Variants in MAP3K4 observed in about 807,000 individuals in gnomAD.
MAP3K4 encodes mitogen-activated protein kinase kinase kinase 4.
MAP3K4 carries 67 observed loss-of-function variants against 185.6 expected under a neutral mutation model. That is an observed-to-expected ratio of 0.36 (90% CI 0.30 to 0.44). The LOEUF (loss-of-function observed/expected upper bound fraction) is 0.44, where lower values mean the gene tolerates loss of function less well. Ranked by LOEUF, MAP3K4 falls within the 20% of genes least tolerant of loss-of-function variation. The pLI is 1.00. For missense variants in MAP3K4, 1,551 were observed against 1,995.1 expected (o/e 0.78, Z 4.24); for synonymous variants, 702 against 710.4 (o/e 0.99, Z 0.19).
In MAP3K4 at chr6:161,115,396, G is replaced by T. The variant is rs1778548764; in HGVS notation, c.4806+94G>T. The stretch of plus-strand genomic sequence containing the variant: ...AATGAAATTTTGAAACTTTAAAGTA[G>T]CTATATCTGAAGTGGAAAGGAACTA... On this transcript the variant is annotated intron_variant, in intron 26 of 26. Transcript: ENST00000392142. This position sits in a 1 kb window ranked among gnomAD's most constrained non-coding sequence, Gnocchi z 6.0. The T allele has an allele frequency of 8.1e-7, 1 of 1,230,550 alleles. No homozygotes were observed. The highest frequency in any genetic ancestry group is 1.5e-5 in the African/African-American group (1 of 66,260). The allele number at this position is 1,230,550 out of a possible 1,614,324, so 76.2% of individuals were successfully genotyped here.
Position 161,104,415 on chromosome 6 carries a change from CAAAA to C in MAP3K4, c.3856+1651_3856+1654del, listed in dbSNP as rs869113836. ...GGCAACAAGAGCAAAACTCCGTTTC[CAAAA>C]AAAAAAAAAAAAAAGCAGGCACAGT... On this transcript the variant is annotated intron_variant, in intron 19 of 26. Coordinates refer to ENST00000392142, the MANE Select transcript of MAP3K4 (RefSeq NM_005922.4). Among the ~76,000 whole-genome samples, 17 of 58,354 alleles carry C rather than the reference CAAAA, an allele frequency of 2.9e-4. No homozygotes were observed. The East Asian group carries it at 6.1e-3, about 21-fold the overall frequency. 38.3% of individuals were successfully genotyped at this position (58,354 alleles called of 152,430 possible). A position where few individuals can be genotyped will look rare whatever the true frequency, so the allele number is the denominator to read the frequency against.
At chr6:161,010,120 A>G (rs1215904793) in intron 1 of MAP3K4, among the ~76,000 whole-genome samples, 3 of 152,284 alleles carry the variant, frequency 2.0e-5, no homozygotes, top group Non-Finnish European at 4.4e-5. Context: ...ATTTCTCCCT[A>G]TTGTGTTTTA....
chr6:161,006,546 G>A (rs1781589431), intron 1 of MAP3K4, among the ~76,000 whole-genome samples: 1 of 152,158 alleles, frequency 6.6e-6, no homozygotes. Flanking sequence ...AGACAGTTGA[G>A]CATCCCAGAT....
In MAP3K4 at chr6:161,098,048, C is replaced by G. The variant is rs1420281987; in HGVS notation, c.3525-230C>G. ...GCTGCAGTGAGCTATGATTGCGCCA[C>G]TGCACTCCAGCCTGGACAACAGGGT... is the stretch of plus-strand genomic sequence containing the variant. On this transcript the variant is annotated intron_variant, in intron 16 of 26. Coordinates refer to ENST00000392142, the MANE Select transcript of MAP3K4 (RefSeq NM_005922.4). The surrounding 1 kb of genome is among the most constrained non-coding windows in gnomAD (Gnocchi z 4.4). Among the ~76,000 whole-genome samples, 1 of 152,112 alleles carries G rather than the reference C, an allele frequency of 6.6e-6. No individual in the cohort carries two copies. The highest frequency in any genetic ancestry group is 6.5e-5 in the Admixed American group (1 of 15,288).
rs952245137 is a variant in MAP3K4 at position 161,086,914 on chromosome 6, A to G, written c.2556+247A>G. Among the ~76,000 whole-genome samples, 11 of 152,222 alleles carry G rather than the reference A, an allele frequency of 7.2e-5. No homozygotes were observed. The highest frequency in any genetic ancestry group is 6.5e-4 in the Admixed American group (10 of 15,286). On this transcript the variant is annotated intron_variant, in intron 9 of 26. Coordinates refer to ENST00000392142, the MANE Select transcript of MAP3K4 (RefSeq NM_005922.4). The surrounding 1 kb of genome is among the most constrained non-coding windows in gnomAD (Gnocchi z 4.8). Reference sequence around the variant, plus strand: ...AAAAAGTTTACTCATGCTGTTTATTAATTTAGTTACACATATTTAAAATAA... The same window carrying G: ...AAAAAGTTTACTCATGCTGTTTATTGATTTAGTTACACATATTTAAAATAA...
intron 1 of MAP3K4, among the ~76,000 whole-genome samples, chr6:161,001,025 ATAT>A (rs1417917043): frequency 2.2e-4 from 3 of 13,346 alleles, no homozygotes; most frequent in Middle Eastern, 0.022. Flanking sequence ...TATATAATAT[ATAT>A]TATATATTAT....
At chr6:161,045,547 T>C (rs1783690958) in intron 2 of MAP3K4, among the ~76,000 whole-genome samples, 1 of 152,208 alleles carries the variant, frequency 6.6e-6, no homozygotes, top group Non-Finnish European at 1.5e-5. Flanking sequence ...ATTATTTTCA[T>C]GTTTTGCCCC....
At chr6:161,104,369 G>A (rs1026203535) in intron 19 of MAP3K4, among the ~76,000 whole-genome samples, 8 of 146,200 alleles carry the variant, frequency 5.5e-5, no homozygotes, top group East Asian at 2.0e-4. Context: ...GGCTGAGATC[G>A]CGCCATCACA....
At chr6:161,020,152 A>G (rs919922246) in intron 1 of MAP3K4, among the ~76,000 whole-genome samples, 5 of 152,238 alleles carry the variant, frequency 3.3e-5, no homozygotes, top group Non-Finnish European at 5.9e-5. Flanking sequence ...TCACTGTGAG[A>G]TATTTCTAAA....
rs1434749496 is a variant in MAP3K4, at chr6:161,115,956, A to G, written c.4806+654A>G. Among the ~76,000 whole-genome samples the G allele has an allele frequency of 1.3e-5, 2 of 152,218 alleles. No homozygotes were observed. The highest frequency in any genetic ancestry group is 2.9e-5 in the Non-Finnish European group (2 of 68,040). On this transcript the variant is annotated intron_variant, in intron 26 of 26. Transcript: ENST00000392142. The surrounding 1 kb of genome is among the most constrained non-coding windows in gnomAD (Gnocchi z 6.0). Reference sequence around the variant, plus strand: ...CATTTTATTATAAACATAAATGATGACATAGAGTTTTAGAAAGATCACTCT... The same window carrying G: ...CATTTTATTATAAACATAAATGATGGCATAGAGTTTTAGAAAGATCACTCT...
chr6:161,110,323 A>G lies in MAP3K4; in HGVS notation c.4396+409A>G, dbSNP rs1278277628. Among the ~76,000 whole-genome samples the G allele has an allele frequency of 1.3e-5, 2 of 152,202 alleles. No homozygotes were observed. Among genetic ancestry groups the G allele is most frequent in the Non-Finnish European group, 2.9e-5 (2 of 68,032 alleles). On this transcript the variant is annotated intron_variant, in intron 23 of 26. Coordinates refer to ENST00000392142, the MANE Select transcript of MAP3K4 (RefSeq NM_005922.4). The surrounding 1 kb of genome is among the most constrained non-coding windows in gnomAD (Gnocchi z 4.8). ...AATCAGATCAGAAGTGCACATATAA[A>G]TTTGAGGCTACGTTTTTGAGACAAG...
intron 1 of MAP3K4, among the ~76,000 whole-genome samples, chr6:161,015,388 A>G (rs1292299052): frequency 6.6e-6 from 1 of 152,124 alleles, no homozygotes; most frequent in Admixed American, 6.5e-5. Flanking sequence ...CGATCTGTGC[A>G]GCAAACCACC....
intron 2 of MAP3K4, among the ~76,000 whole-genome samples, chr6:161,036,771 T>G (rs1783183882): frequency 6.6e-6 from 1 of 152,184 alleles, no homozygotes; most frequent in African/African-American, 2.4e-5. Flanking sequence ...ATACAAATTT[T>G]GAGTATCCCT....
chr6:161,060,512 C>T (rs1365732177), intron 3 of MAP3K4, among the ~76,000 whole-genome samples: 1 of 152,070 alleles, frequency 6.6e-6, no homozygotes, highest in Non-Finnish European at 1.5e-5. Context: ...CTCCTTTTTT[C>T]ACAGTCCTTT....
intron 1 of MAP3K4, among the ~76,000 whole-genome samples, chr6:161,030,154 G>A (rs1477635659): frequency 1.3e-5 from 2 of 151,872 alleles, no homozygotes; most frequent in African/African-American, 2.4e-5. Flanking sequence ...CTCTAGTTTT[G>A]GACTCCAGTA....
chr6:161,046,979 AAT>A (rs1246281785), intron 2 of MAP3K4, among the ~76,000 whole-genome samples: 7 of 147,540 alleles, frequency 4.7e-5, no homozygotes, highest in African/African-American at 1.7e-4. Context: ...GTATATAAGA[AAT>A]ATATACTAAG....
At chr6:161,014,860 T>G (rs1782013820) in intron 1 of MAP3K4, among the ~76,000 whole-genome samples, 1 of 152,196 alleles carries the variant, frequency 6.6e-6, no homozygotes, top group Non-Finnish European at 1.5e-5. Context: ...TTCAAACATT[T>G]TAATCACCTT....
rs1160025843 is a variant in MAP3K4 at position 161,087,705 on chromosome 6, A to G, written c.2574A>G (p.Leu858=). 4 of 1,614,140 alleles carry G rather than the reference A, an allele frequency of 2.5e-6. No homozygotes were observed. Among genetic ancestry groups the G allele is most frequent in the East Asian group, 2.2e-5 (1 of 44,890 alleles). Residue 858 remains leucine, a synonymous_variant, in exon 10 of 27, where the codon TTA becomes TTG. Transcript: ENST00000392142. This position sits in a 1 kb window ranked among gnomAD's most constrained non-coding sequence, Gnocchi z 4.9. ...TTTTGCAGGTGCAAATTCCTGGGTT[A>G]GAAAACTTGCAAATGTTTGTTCCAG... is the stretch of plus-strand genomic sequence containing the variant. ...KQYVKVQIPG[L]ENLQMFVPDT...
Position 161,049,054 on chromosome 6 carries a change from A to G in MAP3K4, c.782A>G (p.Asn261Ser). ...TCTGGTTTCTGGCTTAACCGATCTA[A>G]CGAACTGATCTGGTTAGAGCTACAA... ...NTSGFWLNRS[N>S]ELIWLELQAW... The change falls in exon 3 of 27, where the codon AAC becomes AGC. Residue 261 changes from asparagine (N) to serine (S), a missense_variant. Around this residue, in one of 16 missense-constraint regions of MAP3K4, gnomAD observed 69 missense variants for 124.8 expected, o/e 0.55. Coordinates refer to ENST00000392142, the MANE Select transcript of MAP3K4 (RefSeq NM_005922.4). The surrounding 1 kb of genome is among the most constrained non-coding windows in gnomAD (Gnocchi z 8.4). The G allele has an allele frequency of 6.2e-7, 1 of 1,614,072 alleles. No individual in the cohort carries two copies. Among genetic ancestry groups the G allele is most frequent in the Non-Finnish European group, 8.5e-7 (1 of 1,179,926 alleles).
Sources: allele counts gnomAD v4.1 joint callset (sites outside exome capture counted in the v4.1 genomes callset), GRCh38; gene constraint gnomAD v4.1.1; regional missense constraint gnomAD v4.1.1; non-coding constraint Gnocchi (gnomAD v3.1); transcripts MANE v1.5; gene names NCBI Gene and HGNC (gene_info 2026-07-23, HGNC 2026-07-21).